Variants in FER1L6 observed in about 807,000 individuals in gnomAD.
FER1L6 encodes the protein fer-1 like family member 6.
FER1L6 carries 177 observed loss-of-function variants against 219.2 expected under a neutral mutation model. That is an observed-to-expected ratio of 0.81 (90% CI 0.71 to 0.91). The LOEUF (loss-of-function observed/expected upper bound fraction) is 0.91. Among genes scored for constraint, FER1L6 ranks in the 40% least tolerant of loss-of-function variants. The pLI, the probability that FER1L6 is intolerant of heterozygous loss-of-function variation, is 0.00. For synonymous variants in FER1L6, 768 were observed against 824.3 expected (o/e 0.93, Z 1.17); for missense variants, 2,153 against 2,259.9 (o/e 0.95, Z 0.96).
intron 22 of FER1L6, among the ~76,000 whole-genome samples, chr8:124,056,704 C>T (rs1820313892): frequency 6.6e-6 from 1 of 152,146 alleles, no homozygotes; most frequent in African/African-American, 2.4e-5. Flanking sequence ...CTAAAATAGG[C>T]TTAATGAGGG....
At chr8:123,932,535 T>C (rs1420403137) in intron 1 of FER1L6, among the ~76,000 whole-genome samples, 1 of 152,220 alleles carries the variant, frequency 6.6e-6, no homozygotes, top group Non-Finnish European at 1.5e-5. Flanking sequence ...AAAAATTAAG[T>C]TAACAACGGT....
At chr8:123,991,957 G>A (rs1816879860) in intron 12 of FER1L6, among the ~76,000 whole-genome samples, 1 of 151,992 alleles carries the variant, frequency 6.6e-6, no homozygotes, top group South Asian at 2.1e-4. Flanking sequence ...CATCTTTTGA[G>A]ATGATCATAT....
At chr8:124,107,782 G>A (rs1459124625) in intron 39 of FER1L6, among the ~76,000 whole-genome samples, 4 of 152,154 alleles carry the variant, frequency 2.6e-5, no homozygotes, top group Non-Finnish European at 5.9e-5. Flanking sequence ...GGGTCCATTT[G>A]AAGATCCCTC....
intron 9 of FER1L6, among the ~76,000 whole-genome samples, chr8:123,977,097 A>G (rs1031128935): frequency 6.6e-6 from 1 of 152,354 alleles, no homozygotes; most frequent in Non-Finnish European, 1.5e-5. Flanking sequence ...ACACAAGGTC[A>G]TACTTCTACA....
At chr8:124,091,875 G>A (rs938649632) in intron 34 of FER1L6, among the ~76,000 whole-genome samples, 2 of 151,512 alleles carry the variant, frequency 1.3e-5, no homozygotes, top group Admixed American at 6.6e-5. Flanking sequence ...GCTGAGGCAC[G>A]AGAATCACTT....
At chr8:124,063,546 T>TC (rs1215898406) in intron 25 of FER1L6, among the ~76,000 whole-genome samples, 4 of 152,216 alleles carry the variant, frequency 2.6e-5, no homozygotes, top group African/African-American at 9.6e-5. Flanking sequence ...TCATTCGTTT[T>TC]CCCAATGATT....
rs112266229 is a variant in FER1L6, at chr8:124,089,141, G to A, written c.4392-2282G>A. Among the ~76,000 whole-genome samples, 278 of 152,336 alleles carry A rather than the reference G, an allele frequency of 1.8e-3. 2 individuals are homozygous for A. Among genetic ancestry groups the A allele is most frequent in the East Asian group, 0.017 (87 of 5,180 alleles). Reference sequence around the variant, plus strand: ...AGGACCCCAGAGTGCTTTAGCCTGCGGTGGCGGAGCTTGCTGAAACTCAAC... The same window carrying A: ...AGGACCCCAGAGTGCTTTAGCCTGCAGTGGCGGAGCTTGCTGAAACTCAAC... On this transcript the variant is annotated intron_variant, in intron 33 of 40. Coordinates refer to ENST00000522917, the MANE Select transcript of FER1L6 (RefSeq NM_001039112.2).
chr8:123,920,659 G>A (rs1177126249), intron 1 of FER1L6, among the ~76,000 whole-genome samples: 4 of 152,192 alleles, frequency 2.6e-5, no homozygotes, highest in Non-Finnish European at 5.9e-5. Flanking sequence ...CCTACTCAGG[G>A]ATTTTATGGT....
At chr8:123,997,330 A>G (rs1350389127) in intron 12 of FER1L6, among the ~76,000 whole-genome samples, 1 of 152,152 alleles carries the variant, frequency 6.6e-6, no homozygotes, top group African/African-American at 2.4e-5. Context: ...CACTTTGAAT[A>G]TGACATGTCA....
chr8:123,990,045 G>A (rs550464071), intron 12 of FER1L6, among the ~76,000 whole-genome samples: 1 of 152,246 alleles, frequency 6.6e-6, no homozygotes, highest in South Asian at 2.1e-4. Flanking sequence ...GAGGTGGGCG[G>A]ATCACGAGGT....
In FER1L6 at chr8:123,980,507, G is replaced by T. The variant is rs1446524053; in HGVS notation, c.1106G>T (p.Gly369Val). ...GGGCCTGCCTGGATTAACCTGTATG[G>T]CTCGCCCAGGAACCACAGTCTGATG... ...TFGPAWINLY[G>V]SPRNHSLMDD... The change falls in exon 11 of 41, where the codon GGC (glycine) becomes GTC (valine). Residue 369 changes from glycine to valine, a missense_variant. Transcript: ENST00000522917. The T allele has an allele frequency of 2.5e-6, 4 of 1,613,976 alleles. No individual in the cohort carries two copies. Among genetic ancestry groups the T allele is most frequent in the Admixed American group, 1.7e-5 (1 of 59,986 alleles).
At chr8:123,925,550 G>A (rs1813531504) in intron 1 of FER1L6, among the ~76,000 whole-genome samples, 1 of 152,184 alleles carries the variant, frequency 6.6e-6, no homozygotes, top group African/African-American at 2.4e-5. Context: ...CTGAAAATTG[G>A]CAATTCTGTG....
chr8:124,118,129 G>T (rs574294050), intron 39 of FER1L6, among the ~76,000 whole-genome samples: 1 of 152,184 alleles, frequency 6.6e-6, no homozygotes, highest in East Asian at 1.9e-4. Context: ...ACAGTGTGTG[G>T]CATACAAAGG....
At chr8:123,932,806 A>G (rs1813824886) in intron 1 of FER1L6, among the ~76,000 whole-genome samples, 1 of 152,236 alleles carries the variant, frequency 6.6e-6, no homozygotes, top group African/African-American at 2.4e-5. Flanking sequence ...GCTTATGTGT[A>G]TGAGGCTACT....
intron 22 of FER1L6, among the ~76,000 whole-genome samples, chr8:124,058,067 T>A (rs1275607579): frequency 6.6e-6 from 1 of 152,194 alleles, no homozygotes; most frequent in African/African-American, 2.4e-5. Flanking sequence ...AGTGAGCTAG[T>A]AAGTGATAGA....
intron 1 of FER1L6, among the ~76,000 whole-genome samples, chr8:123,876,628 T>C (rs1817009071): frequency 6.6e-6 from 1 of 152,194 alleles, no homozygotes; most frequent in South Asian, 2.1e-4. Context: ...GCCCAGCTTA[T>C]GTTTTCAAAT....
intron 33 of FER1L6, among the ~76,000 whole-genome samples, chr8:124,083,165 ATACTCTCT>A (rs1165548084): frequency 4.1e-5 from 2 of 48,488 alleles, no homozygotes; most frequent in East Asian, 7.1e-4. Flanking sequence ...ACATCAAATT[ATACTCTCT>A]TAGTTATTTT....
At chr8:123,898,692 CAT>C (rs1208285463) in intron 1 of FER1L6, among the ~76,000 whole-genome samples, 5 of 139,918 alleles carry the variant, frequency 3.6e-5, no homozygotes, top group Admixed American at 1.4e-4. Flanking sequence ...CATATATGTA[CAT>C]ATATGTGTAT....
chr8:124,110,448 T>C (rs1822975523), intron 39 of FER1L6, among the ~76,000 whole-genome samples: 1 of 152,132 alleles, frequency 6.6e-6, no homozygotes, highest in Non-Finnish European at 1.5e-5. Context: ...CAAAGAGCCA[T>C]AGAAACAGAA....
Sources: gnomAD v4.1 joint callset for allele counts (sites outside exome capture counted in the v4.1 genomes callset) on GRCh38, gnomAD v4.1.1 for gene constraint, MANE v1.5 for transcripts, NCBI Gene and HGNC (gene_info 2026-07-23, HGNC 2026-07-21) for gene names.